The following SLC9B1 variants were observed in gnomAD, a reference collection of about 807,000 sequenced individuals.
SLC9B1 encodes the protein solute carrier family 9 member B1.
A neutral mutation model predicts 51.7 loss-of-function variants in SLC9B1; 32 were observed. That is an observed-to-expected ratio of 0.62 (90% CI 0.47 to 0.83). The LOEUF is 0.83. Among genes scored for constraint, SLC9B1 ranks in the 40% least tolerant of loss-of-function variants. The pLI is 0.00. For missense variants in SLC9B1, 406 were observed against 613.2 expected (o/e 0.66, Z 3.57); for synonymous variants, 145 against 212.7 (o/e 0.68, Z 2.77).
intron 1 of SLC9B1, among the ~76,000 whole-genome samples, chr4:103,018,819 G>T (rs986619999): frequency 1.3e-5 from 2 of 152,150 alleles, no homozygotes; most frequent in African/African-American, 4.8e-5. Context: ...ACAGGTACAG[G>T]TTTGTGGCCT....
chr4:103,019,181 C>A (rs1402813644), intron 1 of SLC9B1, among the ~76,000 whole-genome samples: 1 of 152,038 alleles, frequency 6.6e-6, no homozygotes, highest in Non-Finnish European at 1.5e-5. Flanking sequence ...AGAGAGCTTT[C>A]TCAGGATCGG....
intron 1 of SLC9B1, among the ~76,000 whole-genome samples, chr4:103,012,837 G>A (rs900534878): frequency 6.6e-6 from 1 of 152,088 alleles, no homozygotes; most frequent in Non-Finnish European, 1.5e-5. Context: ...ATGGTGGAAG[G>A]CATGTAAAGG....
chr4:102,977,297 T>TAA lies in SLC9B1; in HGVS notation c.211+12501_211+12502dup, dbSNP rs3974480. 1.7e-3 allele frequency among the ~76,000 whole-genome samples: 215 copies of TAA among 129,318 alleles called. 4 individuals carry two copies. The highest frequency in any genetic ancestry group is 2.6e-3 in the Non-Finnish European group (154 of 59,318). 84.8% of individuals were successfully genotyped at this position (129,318 alleles called of 152,430 possible). On this transcript the variant is annotated intron_variant, in intron 3 of 11. Coordinates refer to ENST00000296422, the MANE Select transcript of SLC9B1 (RefSeq NM_139173.4). ...GTATAACTGAGACAATATTATAACT[T>TAA]AAAAAAAAAAAAAAAAAAACAGAAA...
intron 7 of SLC9B1, among the ~76,000 whole-genome samples, chr4:102,931,835 G>A (rs945157206): frequency 8.5e-5 from 13 of 152,154 alleles, no homozygotes; most frequent in African/African-American, 2.4e-4. Flanking sequence ...TTTTTCTAAT[G>A]AGAACTGATA....
At chr4:102,945,887 T>C (rs1014359184) in intron 5 of SLC9B1, among the ~76,000 whole-genome samples, 2 of 152,184 alleles carry the variant, frequency 1.3e-5, no homozygotes, top group Admixed American at 6.5e-5. Context: ...GTCATATTCA[T>C]GAATAGTCAT....
chr4:103,015,840 C>T (rs1741287920), intron 1 of SLC9B1, among the ~76,000 whole-genome samples: 1 of 151,964 alleles, frequency 6.6e-6, no homozygotes, highest in Non-Finnish European at 1.5e-5. Flanking sequence ...AGAAATTATA[C>T]GTTCATGTGG....
intron 1 of SLC9B1, among the ~76,000 whole-genome samples, chr4:103,004,562 C>T (rs910492284): frequency 6.6e-6 from 1 of 152,118 alleles, no homozygotes; most frequent in African/African-American, 2.4e-5. Flanking sequence ...TGCCAATATT[C>T]AAATTCAAGA....
At chr4:102,941,517 C>T (rs1187803771) in intron 6 of SLC9B1, 1 of 454,054 alleles carries the variant, frequency 2.2e-6, no homozygotes, top group South Asian at 1.6e-5. Context: ...GCTTGGGGAG[C>T]TACTCCCAGG....
intron 3 of SLC9B1, among the ~76,000 whole-genome samples, chr4:102,950,864 G>T (rs13152518): frequency 1.4e-4 from 22 of 152,174 alleles, no homozygotes; most frequent in African/African-American, 4.8e-4. Flanking sequence ...GCCTGTTGGC[G>T]CATGCCTATA....
At chr4:102,975,584 A>ATTTTTTTT (rs1466561136) in intron 3 of SLC9B1, among the ~76,000 whole-genome samples, 994 of 79,790 alleles carry the variant, frequency 0.012, 50 homozygotes, top group East Asian at 0.029. Flanking sequence ...ATATATATAT[A>ATTTTTTTT]TATTTTTTTT....
In SLC9B1 at chr4:102,962,594, G is replaced by A. The variant is rs1738196047; in HGVS notation, c.212-13167C>T. The A allele has an allele frequency of 6.3e-6, 3 of 474,328 alleles. No individual in the cohort carries two copies. In the Admixed American group the frequency reaches 7.0e-5, roughly 11 times the overall value. The allele number at this position is 474,328 out of a possible 1,614,324, so 29.4% of individuals were successfully genotyped here. The stretch of plus-strand genomic sequence containing the variant: ...GTTAATGAGTATAGTCATTGACAAA[G>A]GAGATGGAGTCACCCATGTTCTCCC... On this transcript the variant is annotated intron_variant, in intron 3 of 11. Coordinates refer to ENST00000296422, the MANE Select transcript of SLC9B1 (RefSeq NM_139173.4).
At chr4:102,923,230 C>A (rs1735975182) in intron 7 of SLC9B1, among the ~76,000 whole-genome samples, 2 of 152,164 alleles carry the variant, frequency 1.3e-5, no homozygotes, top group African/African-American at 4.8e-5. Flanking sequence ...AAGTTGGCTT[C>A]ATCCCTGGGA....
chr4:103,004,151 G>C (rs1740667916), intron 1 of SLC9B1, among the ~76,000 whole-genome samples: 1 of 152,084 alleles, frequency 6.6e-6, no homozygotes, highest in South Asian at 2.1e-4. Flanking sequence ...TTGACATTCA[G>C]GAGAAAGTTG....
At chr4:102,892,795 CAA>C (rs1346666851) in intron 11 of SLC9B1, 1 of 152,126 alleles carries the variant, frequency 6.6e-6, no homozygotes, top group Non-Finnish European at 1.5e-5. Flanking sequence ...ATAAAAATGT[CAA>C]GTTTATTAAA....
intron 3 of SLC9B1, among the ~76,000 whole-genome samples, chr4:102,958,158 G>A (rs1341323605): frequency 6.6e-6 from 1 of 152,216 alleles, no homozygotes; most frequent in Non-Finnish European, 1.5e-5. Context: ...GTCCTGCTGG[G>A]AGGTGAATGG....
chr4:102,989,579 C>T (rs1739837432), intron 3 of SLC9B1, among the ~76,000 whole-genome samples: 2 of 151,962 alleles, frequency 1.3e-5, no homozygotes, highest in South Asian at 4.1e-4. Flanking sequence ...AAAAGTATGA[C>T]AAATATTAAA....
chr4:102,932,230 A>T lies in SLC9B1; in HGVS notation c.723T>A (p.Tyr241Ter). 6.2e-7 allele frequency: 1 copy of T among 1,611,928 alleles called. No homozygotes were observed. Among genetic ancestry groups the T allele is most frequent in the South Asian group, 1.1e-5 (1 of 90,988 alleles). Residue 241 changes from tyrosine to a stop codon, truncating the protein, a stop_gained, in exon 7 of 12, where the codon TAT (tyrosine) becomes TAA (stop). Transcript: ENST00000296422. LOFTEE classifies it high-confidence loss of function. ...AGGTTGGAATGCCTTCCTCAACACC[A>T]TATCCATTTTCTTGCAGCACCATCA... is the stretch of plus-strand genomic sequence containing the variant. ...PYMMVLQENG[Y>*]GVEEGIPTLL... is the part of the protein sequence containing the mutation.
chr4:102,974,246 A>AAAAAAT, intron 3 of SLC9B1, among the ~76,000 whole-genome samples: 1 of 139,270 alleles, frequency 7.2e-6, no homozygotes, highest in Non-Finnish European at 1.5e-5. Flanking sequence ...AAAATTGAAA[A>AAAAAAT]AAAAAAAAAA....
chr4:103,015,738 G>A (rs566089843), intron 1 of SLC9B1, among the ~76,000 whole-genome samples: 24 of 152,170 alleles, frequency 1.6e-4, no homozygotes, highest in African/African-American at 5.8e-4. Context: ...TTGAGAAAAA[G>A]TATCAGTATC....
Sources: gnomAD v4.1 joint callset for allele counts (sites outside exome capture counted in the v4.1 genomes callset) on GRCh38, gnomAD v4.1.1 for gene constraint, MANE v1.5 for transcripts, NCBI Gene and HGNC (gene_info 2026-07-23, HGNC 2026-07-21) for gene names.